The following IQCM variants were observed in gnomAD, a reference collection of about 807,000 sequenced individuals.
IQCM encodes the protein IQ motif containing M.
A neutral mutation model predicts 57.6 loss-of-function variants in IQCM; 45 were observed. The observed-to-expected ratio is 0.78, with a 90% CI of 0.62 to 1.00. IQCM has a LOEUF of 1.00. IQCM is among the 50% of genes least tolerant of loss of function. The pLI, the probability that IQCM is intolerant of heterozygous loss-of-function variation, is 0.00. For missense variants in IQCM, 468 were observed against 511.6 expected (o/e 0.91, Z 0.82); for synonymous variants, 148 against 158.9 (o/e 0.93, Z 0.51).
At chr4:149,405,918 A>T (rs916389643) in intron 13 of IQCM, among the ~76,000 whole-genome samples, 3 of 147,468 alleles carry the variant, frequency 2.0e-5, no homozygotes, top group African/African-American at 7.4e-5. Flanking sequence ...ATTTATCTCC[A>T]TATATGTAAA....
intron 8 of IQCM, among the ~76,000 whole-genome samples, chr4:149,589,707 T>C (rs1468658614): frequency 6.6e-6 from 1 of 151,998 alleles, no homozygotes; most frequent in East Asian, 1.9e-4. Context: ...TCAATATTTG[T>C]TACATTTAGA....
chr4:149,475,239 T>A (rs540943117), intron 12 of IQCM, among the ~76,000 whole-genome samples: 1 of 152,204 alleles, frequency 6.6e-6, no homozygotes. Context: ...GTAGAGCCCA[T>A]AGGTTTTCCT....
At chr4:149,577,823 T>C (rs1479230482) in intron 9 of IQCM, among the ~76,000 whole-genome samples, 3 of 151,946 alleles carry the variant, frequency 2.0e-5, no homozygotes, top group Non-Finnish European at 4.4e-5. Flanking sequence ...TCGGGCGGTA[T>C]GGCCATTTTA....
intron 2 of IQCM, among the ~76,000 whole-genome samples, chr4:149,754,246 T>G (rs1336009361): frequency 6.6e-6 from 1 of 152,186 alleles, no homozygotes; most frequent in Non-Finnish European, 1.5e-5. Context: ...AACTAGGATT[T>G]ATGCAGGCTC....
At chr4:149,713,098 T>C (rs1310499751) in intron 5 of IQCM, among the ~76,000 whole-genome samples, 3 of 151,978 alleles carry the variant, frequency 2.0e-5, no homozygotes, top group Non-Finnish European at 2.9e-5. Flanking sequence ...TATTAAAACA[T>C]AGAGGCTACT....
chr4:149,507,182 T>C (rs1743912353), intron 12 of IQCM, among the ~76,000 whole-genome samples: 1 of 152,322 alleles, frequency 6.6e-6, no homozygotes, highest in East Asian at 1.9e-4. Flanking sequence ...ACTCTTTCTA[T>C]TGTAAATTGC....
chr4:149,777,533 T>A (rs1771206725), intron 2 of IQCM, among the ~76,000 whole-genome samples: 1 of 152,290 alleles, frequency 6.6e-6, no homozygotes, highest in Non-Finnish European at 1.5e-5. Context: ...GCTGGTAACA[T>A]TAAAATAATT....
At position 149,770,385 on chromosome 4, in the gene IQCM, T is replaced by C. The variant is rs1580253548; in HGVS notation, c.-48-27646A>G. On this transcript the variant is annotated intron_variant, in intron 2 of 13. Transcript: ENST00000636793. ...GATTTTAAGAAAGTTGTAATATCAA[T>C]TCTACACAGCTCTCCAGAAAATTGG... 2.0e-5 allele frequency among the ~76,000 whole-genome samples: 3 copies of C among 152,086 alleles called. No homozygotes were observed. The East Asian group carries it at 5.8e-4, about 29-fold the overall frequency.
chr4:149,536,805 C>G lies in IQCM; in HGVS notation c.1228+11650G>C, dbSNP rs1344586701. On this transcript the variant is annotated intron_variant, in intron 12 of 13. Transcript: ENST00000636793. ...GTATGTTCTCATGAATTTCCTTTCA[C>G]TTTTTGATTTATTCTTTAAATTATT... Among the ~76,000 whole-genome samples, 6 of 152,000 alleles carry G rather than the reference C, an allele frequency of 3.9e-5. 1 individual carries two copies. Among genetic ancestry groups the G allele is most frequent in the African/African-American group, 4.8e-5 (2 of 41,418 alleles).
chr4:149,636,987 C>CA (rs1757773553), intron 7 of IQCM, among the ~76,000 whole-genome samples: 1 of 150,640 alleles, frequency 6.6e-6, no homozygotes, highest in South Asian at 2.1e-4. Context: ...ACTAAAAATA[C>CA]AAAAAATTAG....
At chr4:149,699,427 C>T (rs529930463) in intron 5 of IQCM, among the ~76,000 whole-genome samples, 11 of 152,008 alleles carry the variant, frequency 7.2e-5, no homozygotes, top group Admixed American at 2.6e-4. Flanking sequence ...TGATCTTCCC[C>T]GGGTTACCCT....
chr4:149,535,134 A>G (rs921037190), intron 12 of IQCM, among the ~76,000 whole-genome samples: 1 of 152,088 alleles, frequency 6.6e-6, no homozygotes, highest in African/African-American at 2.4e-5. Flanking sequence ...ACATTATGAC[A>G]GTAAAGGACT....
chr4:149,713,267 C>T (rs1441591609), intron 5 of IQCM, among the ~76,000 whole-genome samples: 3 of 152,160 alleles, frequency 2.0e-5, no homozygotes, highest in Non-Finnish European at 4.4e-5. Context: ...CCTCCCTTGC[C>T]ACCTTCACAC....
chr4:149,704,763 G>A (rs1246460102), intron 5 of IQCM, among the ~76,000 whole-genome samples: 1 of 151,914 alleles, frequency 6.6e-6, no homozygotes, highest in Non-Finnish European at 1.5e-5. Context: ...GTGTGTGTCT[G>A]TGAGGATGTT....
intron 12 of IQCM, among the ~76,000 whole-genome samples, chr4:149,481,708 T>TTTTTTGTTTTTTG (rs70965188): frequency 1.1e-4 from 15 of 134,744 alleles, no homozygotes; most frequent in East Asian, 2.2e-4. Flanking sequence ...TTTGTTTTTT[T>TTTTTTGTTTTTTG]TTTTTTTTTT....
intron 2 of IQCM, among the ~76,000 whole-genome samples, chr4:149,744,213 T>C (rs1767715420): frequency 6.6e-6 from 1 of 152,188 alleles, no homozygotes; most frequent in African/African-American, 2.4e-5. Flanking sequence ...AATTCTCAAA[T>C]TGTCAGCATC....
At chr4:149,423,037 A>G (rs1468065985) in intron 13 of IQCM, among the ~76,000 whole-genome samples, 1 of 152,020 alleles carries the variant, frequency 6.6e-6, no homozygotes, top group African/African-American at 2.4e-5. Context: ...CTAGTAAACA[A>G]ATGCATTATT....
At chr4:149,788,378 A>T (rs1317888405) in intron 2 of IQCM, among the ~76,000 whole-genome samples, 1 of 152,188 alleles carries the variant, frequency 6.6e-6, no homozygotes, top group Non-Finnish European at 1.5e-5. Context: ...AATGACCAGA[A>T]GGTATGTGAG....
At chr4:149,506,699 A>G (rs1743851277) in intron 12 of IQCM, among the ~76,000 whole-genome samples, 1 of 152,216 alleles carries the variant, frequency 6.6e-6, no homozygotes, top group South Asian at 2.1e-4. Flanking sequence ...AGAATCCACA[A>G]ATAATTCCTA....
Sources: allele counts gnomAD v4.1 joint callset (sites outside exome capture counted in the v4.1 genomes callset), GRCh38; gene constraint gnomAD v4.1.1; transcripts MANE v1.5; gene names NCBI Gene and HGNC (gene_info 2026-07-23, HGNC 2026-07-21).